Variants in NEMP2 observed in about 807,000 individuals in gnomAD.
The protein encoded by NEMP2 is UPF0571 transmembrane protein.
NEMP2 carries 53 observed loss-of-function variants against 54.2 expected under a neutral mutation model. That is an observed-to-expected ratio of 0.98 (90% CI 0.78 to 1.23). NEMP2 has a LOEUF of 1.23. NEMP2 is among the 50% of genes most tolerant of loss of function. The probability of loss-of-function intolerance (pLI) is 0.00; values close to 1 mark genes in which losing one functional copy is unlikely to be tolerated. For missense variants in NEMP2, 455 were observed against 511.3 expected (o/e 0.89, Z 1.06); for synonymous variants, 197 against 190.3 (o/e 1.04, Z -0.29).
rs1690189002 is a variant in NEMP2, at chr2:190,506,438, AT to A, written c.*2750del. The A allele has an allele frequency of 6.6e-6, 1 of 152,230 alleles. No individual in the cohort carries two copies. Among genetic ancestry groups the A allele is most frequent in the South Asian group, 2.1e-4 (1 of 4,832 alleles). The allele number at this position is 152,230 out of a possible 1,614,324, so 9.4% of individuals were successfully genotyped here. On this transcript the variant is annotated 3_prime_UTR_variant, in exon 9 of 9. Coordinates refer to ENST00000409150, the MANE Select transcript of NEMP2 (RefSeq NM_001142645.2). This position sits in a 1 kb window ranked among gnomAD's most constrained non-coding sequence, Gnocchi z 6.3. ...AGAGAGCATTTCTTTAGTTGACATC[AT>A]TTCAGGATCTTAATTCCTCCACATA... is the stretch of plus-strand genomic sequence containing the variant.
the NEMP2 span, among the ~76,000 whole-genome samples, chr2:190,450,488 CTTTTTTTT>C: frequency 1.9e-4 from 18 of 97,262 alleles, no homozygotes; most frequent in South Asian, 2.4e-3. Context: ...TCTCTTTTTC[CTTTTTTTT>C]TTTTTTTTTT....
the NEMP2 span, chr2:190,626,846 C>G: frequency 1.3e-5 from 2 of 152,160 alleles, no homozygotes; most frequent in African/African-American, 4.8e-5. This position sits in a 1 kb window ranked among gnomAD's most constrained non-coding sequence, Gnocchi z 4.5. Flanking sequence ...GTCAGTATTA[C>G]AGGATGATGA....
chr2:190,435,582 T>A, the NEMP2 span, among the ~76,000 whole-genome samples: 1 of 152,228 alleles, frequency 6.6e-6, no homozygotes, highest in Non-Finnish European at 1.5e-5. Flanking sequence ...TTCTAAAGAA[T>A]CCTAGACTTC....
Position 190,513,778 on chromosome 2 carries a change from A to G in NEMP2, c.953+675T>C, listed in dbSNP as rs576972868. ...CAGGAAAGCTCTCCTGGCTTTCTCT[A>G]TATACCCTTAGTTCCTGGGCAAGTC... is the stretch of plus-strand genomic sequence containing the variant. On this transcript the variant is annotated intron_variant, in intron 7 of 8. Coordinates refer to ENST00000409150, the MANE Select transcript of NEMP2 (RefSeq NM_001142645.2). The surrounding 1 kb of genome is among the most constrained non-coding windows in gnomAD (Gnocchi z 5.3). Among the ~76,000 whole-genome samples, 140 of 152,308 alleles carry G rather than the reference A, an allele frequency of 9.2e-4. No homozygotes were observed. Among genetic ancestry groups the G allele is most frequent in the African/African-American group, 3.1e-3 (127 of 41,554 alleles).
chr2:190,607,817 T>C, the NEMP2 span: 1 of 152,218 alleles, frequency 6.6e-6, no homozygotes, highest in South Asian at 2.1e-4. This position sits in a 1 kb window ranked among gnomAD's most constrained non-coding sequence, Gnocchi z 5.2. Context: ...TCTATTTTTC[T>C]TTTGTTGACT....
chr2:190,646,151 G>A, the NEMP2 span, among the ~76,000 whole-genome samples: 1 of 152,332 alleles, frequency 6.6e-6, no homozygotes, highest in East Asian at 1.9e-4. Flanking sequence ...TGGTCTGAAT[G>A]GCAACTATTT....
At chr2:190,497,344 G>C in the NEMP2 span, 1 of 1,369,054 alleles carries the variant, frequency 7.3e-7, no homozygotes, top group Non-Finnish European at 1.0e-6. The surrounding 1 kb of genome is among the most constrained non-coding windows in gnomAD (Gnocchi z 5.2). Flanking sequence ...TCTGGAATGG[G>C]TATATGGGAT....
At chr2:190,431,492 T>G in the NEMP2 span, among the ~76,000 whole-genome samples, 5 of 152,270 alleles carry the variant, frequency 3.3e-5, no homozygotes, top group African/African-American at 1.2e-4. The surrounding 1 kb of genome is among the most constrained non-coding windows in gnomAD (Gnocchi z 4.4). Flanking sequence ...CACTCGCGAT[T>G]AGGAGCTGGA....
the NEMP2 span, among the ~76,000 whole-genome samples, chr2:190,632,563 G>A: frequency 2.6e-5 from 4 of 152,246 alleles, no homozygotes; most frequent in Non-Finnish European, 2.9e-5. The surrounding 1 kb of genome is among the most constrained non-coding windows in gnomAD (Gnocchi z 4.8). Context: ...AGGTTACCCT[G>A]ATCAATCTTG....
In NEMP2 at chr2:190,521,067, C is replaced by T. The variant is rs1181183855; in HGVS notation, c.214-1884G>A. ...CACCAGTGTGCTAGAGAAGTGCACA[C>T]TGGTCTCACTTCAAATCCATGACTG... On this transcript the variant is annotated intron_variant, in intron 2 of 8. Transcript: ENST00000409150. This position sits in a 1 kb window ranked among gnomAD's most constrained non-coding sequence, Gnocchi z 6.2. 2.6e-5 allele frequency among the ~76,000 whole-genome samples: 4 copies of T among 152,210 alleles called. No individual in the cohort carries two copies. The highest frequency in any genetic ancestry group is 4.8e-5 in the African/African-American group (2 of 41,440).
the NEMP2 span, among the ~76,000 whole-genome samples, chr2:190,480,571 C>T: frequency 6.6e-6 from 1 of 152,206 alleles, no homozygotes; most frequent in African/African-American, 2.4e-5. Context: ...TTAATTAGTA[C>T]TTATACCCTC....
At chr2:190,484,203 T>C in the NEMP2 span, among the ~76,000 whole-genome samples, 1 of 152,212 alleles carries the variant, frequency 6.6e-6, no homozygotes, top group African/African-American at 2.4e-5. Context: ...TCCTGTGCCC[T>C]TGTTACTGTT....
rs540524385 is a variant in NEMP2 at position 190,534,307 on chromosome 2, C to G, written c.97+252G>C. ...GCTTCTGTAAAACGAGGGAATTGGGCGACTGGATCGCGCGGTTGCTTCTAA... is the reference window on the plus strand; with the variant it reads ...GCTTCTGTAAAACGAGGGAATTGGGGGACTGGATCGCGCGGTTGCTTCTAA... On this transcript the variant is annotated intron_variant, in intron 1 of 8. Transcript: ENST00000409150. 31 of 1,180,302 alleles carry G rather than the reference C, an allele frequency of 2.6e-5. No individual in the cohort carries two copies. The East Asian group carries it at 1.0e-3, about 39-fold the overall frequency. The allele number at this position is 1,180,302 out of a possible 1,614,324, so 73.1% of individuals were successfully genotyped here.
the NEMP2 span, among the ~76,000 whole-genome samples, chr2:190,640,143 TAATTG>T: frequency 7.9e-5 from 12 of 152,344 alleles, no homozygotes; most frequent in African/African-American, 2.4e-4. Flanking sequence ...TATTAAATAT[TAATTG>T]AATATATTCC....
At chr2:190,484,719 T>G in the NEMP2 span, among the ~76,000 whole-genome samples, 1 of 152,202 alleles carries the variant, frequency 6.6e-6, no homozygotes, top group East Asian at 1.9e-4. Context: ...ATGTTCTAAT[T>G]TAATCCCTTC....
At chr2:190,597,071 G>A in the NEMP2 span, among the ~76,000 whole-genome samples, 5 of 151,942 alleles carry the variant, frequency 3.3e-5, no homozygotes, top group African/African-American at 4.8e-5. The surrounding 1 kb of genome is among the most constrained non-coding windows in gnomAD (Gnocchi z 4.7). Flanking sequence ...GGACTAGCCC[G>A]GGCAACATAG....
chr2:190,448,624 A>T, the NEMP2 span, among the ~76,000 whole-genome samples: 5 of 152,232 alleles, frequency 3.3e-5, no homozygotes, highest in African/African-American at 1.2e-4. Flanking sequence ...AAAGTTTAGC[A>T]TATTTTTATG....
Position 190,523,573 on chromosome 2 carries a change from T to C in NEMP2, c.213+1690A>G, listed in dbSNP as rs1185543128. On this transcript the variant is annotated intron_variant, in intron 2 of 8. Transcript: ENST00000409150. The surrounding 1 kb of genome is among the most constrained non-coding windows in gnomAD (Gnocchi z 5.3). ...TTGTACACACATGATGATATGCTAG[T>C]AGCAATGAACACACCTAATGTTGAC... Among the ~76,000 whole-genome samples the C allele has an allele frequency of 1.3e-5, 2 of 151,336 alleles. No individual in the cohort carries two copies. Among genetic ancestry groups the C allele is most frequent in the African/African-American group, 4.9e-5 (2 of 41,210 alleles).
rs984493198 is a variant in NEMP2 at position 190,525,303 on chromosome 2, T to G, written c.173A>C (p.Asn58Thr). 3 of 1,550,606 alleles carry G rather than the reference T, an allele frequency of 1.9e-6. No homozygotes were observed. The highest frequency in any genetic ancestry group is 2.6e-6 in the Non-Finnish European group (3 of 1,146,308). ...TATGTATTTCCACTCCACTTGGGAATTTTGATTGTAGCAGTAACAGTCTGA... is the reference window on the plus strand; with the variant it reads ...TATGTATTTCCACTCCACTTGGGAAGTTTGATTGTAGCAGTAACAGTCTGA... ...SESDCYCYNQ[N>T]SQVEWKYIWS... The change falls in exon 2 of 9, where the codon AAT (asparagine) becomes ACT (threonine). Residue 58 changes from asparagine to threonine, a missense_variant. Physicochemically the swap from Asn to Thr is moderately conservative, Grantham distance 65. Around this residue, in one of 3 missense-constraint regions of NEMP2, gnomAD observed 100 missense variants for 80.2 expected, o/e 1.25. Coordinates refer to ENST00000409150, the MANE Select transcript of NEMP2 (RefSeq NM_001142645.2). This position sits in a 1 kb window ranked among gnomAD's most constrained non-coding sequence, Gnocchi z 5.0.
Sources: allele counts gnomAD v4.1 joint callset (sites outside exome capture counted in the v4.1 genomes callset), GRCh38; gene constraint gnomAD v4.1.1; regional missense constraint gnomAD v4.1.1; non-coding constraint Gnocchi (gnomAD v3.1); transcripts MANE v1.5; gene names NCBI Gene and HGNC (gene_info 2026-07-23, HGNC 2026-07-21).